MROH7: variants seen among roughly 807,000 people sequenced by gnomAD.
MROH7 encodes maestro heat like repeat family member 7.
A neutral mutation model predicts 129.2 loss-of-function variants in MROH7; 113 were observed. The ratio of observed to expected loss-of-function variants is 0.87; its 90% CI spans 0.75 to 1.02. The LOEUF is 1.02. MROH7 is among the 50% of genes least tolerant of loss of function. The pLI, the probability that MROH7 is intolerant of heterozygous loss-of-function variation, is 0.00. For missense variants in MROH7, 1,601 were observed against 1,671.3 expected, an observed-to-expected ratio of 0.96 and a Z score of 0.73; for synonymous variants, 655 against 667.9, an observed-to-expected ratio of 0.98 and a Z score of 0.30.
chr1:54,689,552 A>G (rs910206996), intron 15 of MROH7, among the ~76,000 whole-genome samples: 1 of 152,244 alleles, frequency 6.6e-6, no homozygotes, highest in Non-Finnish European at 1.5e-5. Flanking sequence ...CAAGGCGGTC[A>G]CATCCTCCTG....
intron 14 of MROH7, among the ~76,000 whole-genome samples, chr1:54,685,276 C>A (rs1009861239): frequency 6.6e-6 from 1 of 152,226 alleles, no homozygotes; most frequent in Admixed American, 6.5e-5. Context: ...CCACCTTGGC[C>A]TCCCAAAGTG....
rs530734016 is a variant in MROH7 at position 54,653,955 on chromosome 1, C to G, written c.1029C>G (p.Leu343=). The change falls in exon 3 of 24, where the codon CTC becomes CTG. Residue 343 remains leucine (L), a synonymous_variant. Coordinates refer to ENST00000421030, the MANE Select transcript of MROH7 (RefSeq NM_001039464.4). ...AGACTCTGAGCCTGGACTCCAGCCT[C>G]CTGTTCAGCGACACCTCCACCTTGA... ...SNETLSLDSS[L]LFSDTSTLTL... 182 of 1,614,210 alleles carry G rather than the reference C, an allele frequency of 1.1e-4. No homozygotes were observed. The highest frequency in any genetic ancestry group is 2.8e-4 in the Admixed American group (17 of 60,022).
intron 3 of MROH7, among the ~76,000 whole-genome samples, chr1:54,662,571 A>AT (rs138632664): frequency 0.051 from 7,807 of 151,980 alleles, 503 homozygotes; most frequent in African/African-American, 0.15. Flanking sequence ...CGTACTATAA[A>AT]TTTTTTTCCC....
At chr1:54,664,990 C>G (rs948585140) in intron 3 of MROH7, among the ~76,000 whole-genome samples, 177 bp from the exon 4 acceptor site, 50 of 151,990 alleles carry the variant, frequency 3.3e-4, no homozygotes, top group African/African-American at 1.2e-3. Context: ...TGCACTCTAG[C>G]CTGGGCAATA....
Position 54,654,137 on chromosome 1 carries a change from C to T in MROH7, c.1211C>T (p.Thr404Ile). The change falls in exon 3 of 24, where the codon ACC (threonine) becomes ATC (isoleucine). Residue 404 changes from threonine (T) to isoleucine (I), a missense_variant. Physicochemically the swap from Thr to Ile is moderately conservative, Grantham distance 89 (BLOSUM62 -1). Transcript: ENST00000421030. ...AACCCCGCAGGCAAGGACGCCGTGA[C>T]CTTGCAAGGCATCCCTGAGGGTAAG... Reference protein sequence around the residue: ...ISNPAGKDAVTLQGIPEGAFD... With the variant: ...ISNPAGKDAVILQGIPEGAFD... 1.2e-6 allele frequency: 2 copies of T among 1,610,888 alleles called. No homozygotes were observed. The highest frequency in any genetic ancestry group is 1.7e-6 in the Non-Finnish European group (2 of 1,178,444).
chr1:54,654,083 G>A lies in MROH7; in HGVS notation c.1157G>A (p.Gly386Asp), dbSNP rs369544447. ...AGTGAGATGGCCAGCATTAAGGTGG[G>A]CCAGTTCCCGCTGGGATTCCCCATC... ...SWSEMASIKV[G>D]QFPLGFPISN... The change falls in exon 3 of 24, where the codon GGC becomes GAC. Residue 386 changes from glycine (G) to aspartate (D), a missense_variant. Transcript: ENST00000421030. The A allele has an allele frequency of 7.3e-5, 117 of 1,613,772 alleles. No individual in the cohort carries two copies. The highest frequency in any genetic ancestry group is 2.7e-4 in the Admixed American group (16 of 59,950).
At chr1:54,671,475 G>T (rs866850395) in intron 7 of MROH7, among the ~76,000 whole-genome samples, 1 of 152,228 alleles carries the variant, frequency 6.6e-6, no homozygotes, top group South Asian at 2.1e-4. Flanking sequence ...GGCAGATGAC[G>T]GTATGGCCAG....
intron 15 of MROH7, among the ~76,000 whole-genome samples, chr1:54,687,371 G>A (rs6658601): frequency 0.17 from 25,352 of 152,134 alleles, 2,301 homozygotes; most frequent in East Asian, 0.29. Flanking sequence ...CACTGCACCC[G>A]GCTGAGCTGT....
chr1:54,708,554 G>C (rs978225647), intron 22 of MROH7, among the ~76,000 whole-genome samples: 1 of 152,212 alleles, frequency 6.6e-6, no homozygotes, highest in Admixed American at 6.5e-5. Flanking sequence ...TGCATCAGAG[G>C]AGTCATCAGA....
chr1:54,701,683 C>T (rs529073699), intron 19 of MROH7, among the ~76,000 whole-genome samples: 12 of 152,286 alleles, frequency 7.9e-5, no homozygotes, highest in African/African-American at 2.4e-4. Flanking sequence ...AGTTCTCCCA[C>T]CTCAGCCTCC....
rs1201350758 is a variant in MROH7 at position 54,695,438 on chromosome 1, TG to T, written c.2914del (p.Glu972SerfsTer40). 4.3e-6 allele frequency: 7 copies of T among 1,613,928 alleles called. No individual in the cohort carries two copies. Among genetic ancestry groups the T allele is most frequent in the Non-Finnish European group, 5.9e-6 (7 of 1,179,924 alleles). ...ATCCTCTACCTGCTCATCCCGCTCC[TG>T]GAGCGAGGCGACGAGAAGCACAGGA... ...CRILYLLIPL[L>X]ERGDEKHRIT... On this transcript the variant is annotated frameshift_variant, in exon 17 of 24. Transcript: ENST00000421030. LOFTEE classifies it high-confidence loss of function.
intron 12 of MROH7, 96 bp downstream of exon 12, chr1:54,679,535 G>A (rs1645035807): frequency 7.3e-7 from 1 of 1,378,952 alleles, no homozygotes; most frequent in Non-Finnish European, 1.0e-6. Flanking sequence ...AGTGGGCAGG[G>A]TGGGGTATAC....
intron 10 of MROH7, among the ~76,000 whole-genome samples, chr1:54,675,855 C>T (rs1379250760): frequency 6.6e-6 from 1 of 151,754 alleles, no homozygotes. Context: ...AGGCTGGTCT[C>T]GAACTTCTGG....
chr1:54,668,960 T>A, intron 5 of MROH7, 23 bp downstream of exon 5: 1 of 1,528,898 alleles, frequency 6.5e-7, no homozygotes, highest in Non-Finnish European at 9.1e-7. Flanking sequence ...CAGGCGGGTC[T>A]GTGGCATTGG....
rs1055453406 is a variant in MROH7 at position 54,678,816 on chromosome 1, C to T, written c.2011C>T (p.Pro671Ser). ...CAAGCATTTCCTGGGGCCCTACAAC[C>T]CTGTGAGCCCGTGCCAGAACATTCT... ...SNKHFLGPYN[P>S]VSPCQNILRV... Residue 671 changes from proline to serine, a missense_variant, in exon 11 of 24, where the codon CCT becomes TCT. By Grantham distance (74) the Pro-to-Ser change is moderately conservative. Transcript: ENST00000421030. 1.2e-6 allele frequency: 2 copies of T among 1,613,764 alleles called. No homozygotes were observed. Among genetic ancestry groups the T allele is most frequent in the Non-Finnish European group, 1.7e-6 (2 of 1,179,852 alleles).
intron 5 of MROH7, among the ~76,000 whole-genome samples, chr1:54,669,411 G>T (rs1283762303): frequency 6.6e-6 from 1 of 152,174 alleles, no homozygotes; most frequent in African/African-American, 2.4e-5. Context: ...ATCTGTGTTT[G>T]TGTACTTTAC....
chr1:54,685,584 T>G (rs756376682), intron 14 of MROH7, among the ~76,000 whole-genome samples: 2 of 152,082 alleles, frequency 1.3e-5, no homozygotes, highest in Non-Finnish European at 2.9e-5. Flanking sequence ...GGGCCAAGTA[T>G]GAGGGTGGGC....
rs775921768 is a variant in MROH7, at chr1:54,678,753, A to G, written c.1948A>G (p.Lys650Glu). The G allele has an allele frequency of 3.1e-6, 5 of 1,613,502 alleles. No individual in the cohort carries two copies. Among genetic ancestry groups the G allele is most frequent in the Non-Finnish European group, 4.2e-6 (5 of 1,179,480 alleles). The change falls in exon 11 of 24, where the codon AAG (lysine) becomes GAG (glutamate). Residue 650 changes from lysine (K) to glutamate (E), a missense_variant. Physicochemically the swap from Lys to Glu is moderately conservative, Grantham distance 56. Coordinates refer to ENST00000421030, the MANE Select transcript of MROH7 (RefSeq NM_001039464.4). ...TTCTCATCTTGCAGGAGCCAGAGATAAGGAAGAGACCAACAAAAAGGAGCT... is the reference window on the plus strand; with the variant it reads ...TTCTCATCTTGCAGGAGCCAGAGATGAGGAAGAGACCAACAAAAAGGAGCT... Reference protein sequence around the residue: ...ILELQKRARDKEETNKKELYE... With the variant: ...ILELQKRARDEEETNKKELYE...
At chr1:54,693,994 G>T (rs1467182973) in intron 16 of MROH7, among the ~76,000 whole-genome samples, 1 of 152,154 alleles carries the variant, frequency 6.6e-6, no homozygotes, top group Non-Finnish European at 1.5e-5. Flanking sequence ...CGATTCTCCT[G>T]CCTCAGCCTC....
Sources: allele counts gnomAD v4.1 joint callset (sites outside exome capture counted in the v4.1 genomes callset), GRCh38; gene constraint gnomAD v4.1.1; transcripts MANE v1.5; gene names NCBI Gene and HGNC (gene_info 2026-07-23, HGNC 2026-07-21).